Variants in PUDP observed in about 807,000 individuals in gnomAD.
PUDP encodes pseudouridine 5'-phosphatase.
In PUDP, 8 loss-of-function variants were observed where a neutral mutation model predicts 9.4. The ratio of observed to expected loss-of-function variants is 0.85; its 90% CI spans 0.50 to 1.53. The LOEUF (loss-of-function observed/expected upper bound fraction) is 1.53. Among genes scored for constraint, PUDP ranks in the 40% most tolerant of loss-of-function variants. PUDP has a pLI of 0.00. For missense variants in PUDP, 188 were observed against 189.7 expected (o/e 0.99, Z 0.05); for synonymous variants, 99 against 80.7 (o/e 1.23, Z -1.22).
At position 6,729,879 on chromosome X, in the gene PUDP, A is replaced by G. The variant is rs747907534; in HGVS notation, c.*248-23413T>C. Among the ~76,000 whole-genome samples the G allele has an allele frequency of 2.7e-5, 3 of 111,036 alleles. No homozygotes were observed. The East Asian group carries it at 8.5e-4, about 31-fold the overall frequency. On this transcript the variant is annotated intron_variant and NMD_transcript_variant, in intron 3 of 3. Coordinates refer to the PUDP transcript ENST00000655425. The stretch of plus-strand genomic sequence containing the variant: ...TAAAGAAAGTTCAAATGTTTAGCCA[A>G]CCCGGATTAGTCCAAATTGTGCCAC...
intron 3 of PUDP, among the ~76,000 whole-genome samples, chrX:6,904,559 C>T (rs1023346220): frequency 1.8e-5 from 2 of 111,333 alleles, no homozygotes; most frequent in African/African-American, 6.5e-5. Context: ...CACCACCAGG[C>T]TCAGAAGGAT....
upstream of PUDP, among the ~76,000 whole-genome samples, chrX:6,721,892 T>C (rs189376975): frequency 2.3e-3 from 252 of 111,555 alleles, no homozygotes; most frequent in African/African-American, 8.1e-3. Context: ...CTAATAAAGA[T>C]GGGGAAATCT....
chrX:7,075,234 C>T (rs1472328527), intron 3 of PUDP, among the ~76,000 whole-genome samples: 2 of 112,127 alleles, frequency 1.8e-5, no homozygotes, highest in Non-Finnish European at 3.8e-5. Context: ...GGTCTGGGCA[C>T]GGTGGCTCAC....
At chrX:7,121,285 G>C (rs1297286295) in intron 1 of PUDP, among the ~76,000 whole-genome samples, 1 of 111,639 alleles carries the variant, frequency 9.0e-6, no homozygotes, top group East Asian at 2.8e-4. Context: ...AATCTTCCTG[G>C]GACTTCTCAA....
At chrX:7,134,403 T>C (rs1381948541) in intron 1 of PUDP, among the ~76,000 whole-genome samples, 3 of 112,089 alleles carry the variant, frequency 2.7e-5, no homozygotes, top group Admixed American at 9.5e-5. Flanking sequence ...AAGTTAGAAG[T>C]GCTGGATTTT....
At chrX:6,802,050 A>G (rs184350881) in intron 3 of PUDP, among the ~76,000 whole-genome samples, 4 of 112,030 alleles carry the variant, frequency 3.6e-5, no homozygotes, top group Admixed American at 1.9e-4. Flanking sequence ...TTCCACCAGG[A>G]TGGTTCTTAT....
chrX:6,765,306 CCAA>C (rs936663911), intron 3 of PUDP, among the ~76,000 whole-genome samples: 5 of 110,386 alleles, frequency 4.5e-5, no homozygotes, highest in East Asian at 5.7e-4. Context: ...AACAAACAAA[CCAA>C]CAACAACAAC....
intron 3 of PUDP, among the ~76,000 whole-genome samples, chrX:7,073,418 C>T (rs934904963): frequency 8.9e-6 from 1 of 112,198 alleles, no homozygotes; most frequent in Non-Finnish European, 1.9e-5. Flanking sequence ...CCTGGTGACA[C>T]CTATGGCATG....
At chrX:6,930,404 C>G (rs750160658) in intron 3 of PUDP, among the ~76,000 whole-genome samples, 21 of 111,385 alleles carry the variant, frequency 1.9e-4, no homozygotes, top group Non-Finnish European at 1.9e-5. Context: ...TCTGGCTGTC[C>G]TCGCTGCTCA....
chrX:7,053,812 T>C (rs1211880505), intron 3 of PUDP, among the ~76,000 whole-genome samples: 2 of 111,528 alleles, frequency 1.8e-5, no homozygotes, highest in African/African-American at 6.5e-5. Flanking sequence ...TAAAGGCAAC[T>C]AAGTGAGGGC....
At chrX:6,790,386 T>C (rs1358926765) in intron 3 of PUDP, among the ~76,000 whole-genome samples, 1 of 112,374 alleles carries the variant, frequency 8.9e-6, no homozygotes, top group Non-Finnish European at 1.9e-5. Context: ...AAATAAAATG[T>C]GTGTCAATCC....
intron 3 of PUDP, among the ~76,000 whole-genome samples, chrX:6,953,924 G>A (rs1294826578): frequency 9.0e-6 from 1 of 111,006 alleles, no homozygotes; most frequent in African/African-American, 3.3e-5. Flanking sequence ...ATTGAATCAT[G>A]AGGGTGGTTA....
At chrX:7,061,506 AGAAGAAG>A (rs199980277) in intron 3 of PUDP, among the ~76,000 whole-genome samples, 2,468 of 111,328 alleles carry the variant, frequency 0.022, 60 homozygotes, top group African/African-American at 0.076. Context: ...CTGACCCAGG[AGAAGAAG>A]GCTTCACAGA....
intron 3 of PUDP, among the ~76,000 whole-genome samples, chrX:6,909,991 A>C (rs952314560): frequency 1.3e-4 from 15 of 112,402 alleles, no homozygotes; most frequent in African/African-American, 4.5e-4. Flanking sequence ...CTACATTTCC[A>C]AGCTGTCTTT....
chrX:7,145,072 G>A (rs984029708), intron 1 of PUDP, among the ~76,000 whole-genome samples: 1 of 111,647 alleles, frequency 9.0e-6, no homozygotes, highest in African/African-American at 3.3e-5. Flanking sequence ...GCTACAGAGT[G>A]CCTGAAATGA....
intron 3 of PUDP, among the ~76,000 whole-genome samples, chrX:6,761,298 C>T (rs1168622561): frequency 8.9e-6 from 1 of 112,156 alleles, no homozygotes; most frequent in Non-Finnish European, 1.9e-5. Context: ...ATCTACCCCG[C>T]ATGGTTTTCA....
At chrX:6,745,028 C>T (rs910878503) in intron 3 of PUDP, among the ~76,000 whole-genome samples, 1 of 111,792 alleles carries the variant, frequency 8.9e-6, no homozygotes, top group Non-Finnish European at 1.9e-5. Flanking sequence ...ATCCTTGGTG[C>T]ATATATTTTT....
At chrX:6,856,985 T>C (rs1279148314) in intron 3 of PUDP, among the ~76,000 whole-genome samples, 2 of 112,551 alleles carry the variant, frequency 1.8e-5, no homozygotes, top group South Asian at 7.4e-4. Flanking sequence ...AAAGTAACCA[T>C]GGCTAGTTAG....
intron 1 of PUDP, among the ~76,000 whole-genome samples, chrX:7,022,497 G>A (rs1929646884): frequency 9.0e-6 from 1 of 111,338 alleles, no homozygotes; most frequent in Admixed American, 9.5e-5. Context: ...ATCACAAAGC[G>A]ATTCACAGGT....
Sources: gnomAD v4.1 joint callset for allele counts (sites outside exome capture counted in the v4.1 genomes callset) on GRCh38, gnomAD v4.1.1 for gene constraint, MANE v1.5 for transcripts, NCBI Gene and HGNC (gene_info 2026-07-23, HGNC 2026-07-21) for gene names.